Variants in SGK3 observed in about 807,000 individuals in gnomAD.
SGK3 encodes the protein serine/threonine-protein kinase Sgk3.
Under a neutral mutation model 68.5 loss-of-function variants are expected in SGK3, and 47 were observed. The observed-to-expected ratio is 0.69, with a 90% CI of 0.54 to 0.87. The LOEUF (loss-of-function observed/expected upper bound fraction) is 0.87. SGK3 is among the 40% of genes least tolerant of loss of function. The pLI, the probability that SGK3 is intolerant of heterozygous loss-of-function variation, is 0.00. For missense variants in SGK3, 479 were observed against 575.5 expected (o/e 0.83, Z 1.72); for synonymous variants, 181 against 189.1 (o/e 0.96, Z 0.35).
Position 66,743,195 on chromosome 8 carries a change from G to A in SGK3, c.-122+30362G>A, listed in dbSNP as rs147209314. Among the ~76,000 whole-genome samples, 365 of 152,252 alleles carry A rather than the reference G, an allele frequency of 2.4e-3. 1 individual carries two copies. The highest frequency in any genetic ancestry group is 4.5e-3 in the Non-Finnish European group (308 of 68,020). Reference sequence around the variant, plus strand: ...AAGTCAATTTAGTGGGTTGTTAGCAGCATTTAAAAGCCTGGAATAAAAGAA... The same window carrying A: ...AAGTCAATTTAGTGGGTTGTTAGCAACATTTAAAAGCCTGGAATAAAAGAA... On this transcript the variant is annotated intron_variant, in intron 1 of 16. Coordinates refer to ENST00000521198, the MANE Select transcript of SGK3 (RefSeq NM_001033578.3).
chr8:66,822,236 G>C (rs748259132), intron 5 of SGK3, 136 bp from the exon 6 acceptor site: 24 of 660,204 alleles, frequency 3.6e-5, no homozygotes, highest in Non-Finnish European at 5.3e-5. Flanking sequence ...TTATAATAAT[G>C]AATATTAATG....
intron 3 of SGK3, among the ~76,000 whole-genome samples, chr8:66,799,333 G>A (rs1807830744): frequency 6.6e-6 from 1 of 152,078 alleles, no homozygotes; most frequent in African/African-American, 2.4e-5. Flanking sequence ...AGTTGAGAGG[G>A]TACCAGTGAG....
intron 1 of SGK3, among the ~76,000 whole-genome samples, chr8:66,746,867 T>C (rs1805669359): frequency 6.6e-6 from 1 of 152,014 alleles, no homozygotes; most frequent in South Asian, 2.1e-4. Context: ...GCCTAAAAAA[T>C]ATATATTTTT....
intron 1 of SGK3, among the ~76,000 whole-genome samples, chr8:66,731,310 T>G (rs986014453): frequency 6.6e-6 from 1 of 152,210 alleles, no homozygotes; most frequent in African/African-American, 2.4e-5. Flanking sequence ...TTTATAGTGT[T>G]GTTCATATCT....
At chr8:66,793,299 A>G (rs1029521281) in intron 1 of SGK3, among the ~76,000 whole-genome samples, 1 of 152,222 alleles carries the variant, frequency 6.6e-6, no homozygotes, top group Non-Finnish European at 1.5e-5. Context: ...GTTCATCCTG[A>G]TACAAGAAGT....
At chr8:66,796,029 T>A (rs1167886430) in intron 2 of SGK3, among the ~76,000 whole-genome samples, 2 of 152,178 alleles carry the variant, frequency 1.3e-5, no homozygotes, top group African/African-American at 4.8e-5. Flanking sequence ...TACAGTGCAG[T>A]CCTCAATCCT....
At chr8:66,790,499 C>G (rs759142900) in intron 1 of SGK3, among the ~76,000 whole-genome samples, 10 of 152,200 alleles carry the variant, frequency 6.6e-5, no homozygotes, top group Non-Finnish European at 1.3e-4. Flanking sequence ...ATTGTCCTTT[C>G]CAGCCAGTGC....
At chr8:66,831,393 C>T (rs1585783389) in intron 8 of SGK3, 82 bp downstream of exon 8, 2 of 1,542,628 alleles carry the variant, frequency 1.3e-6, no homozygotes, top group East Asian at 2.3e-5. Flanking sequence ...GTTGTCCAGG[C>T]TGGAGTGTAG....
intron 1 of SGK3, among the ~76,000 whole-genome samples, chr8:66,717,699 A>T (rs1804677347): frequency 6.6e-6 from 1 of 151,564 alleles, no homozygotes. Flanking sequence ...GTTTTTAATT[A>T]ATTATTATTA....
chr8:66,819,092 G>A (rs1808708141), intron 5 of SGK3, among the ~76,000 whole-genome samples: 2 of 152,330 alleles, frequency 1.3e-5, no homozygotes, highest in Non-Finnish European at 2.9e-5. Flanking sequence ...ATTCTGGTGA[G>A]TGGGTAATGG....
At chr8:66,793,182 T>C (rs1807536076) in intron 1 of SGK3, among the ~76,000 whole-genome samples, 1 of 152,224 alleles carries the variant, frequency 6.6e-6, no homozygotes, top group South Asian at 2.1e-4. Context: ...ATCCGGGATG[T>C]ACGAATTATT....
chr8:66,809,813 T>C (rs763593425), intron 4 of SGK3, among the ~76,000 whole-genome samples: 2 of 152,204 alleles, frequency 1.3e-5, no homozygotes, highest in Non-Finnish European at 2.9e-5. Context: ...TTCAAGACTT[T>C]ACTAGGGCAG....
chr8:66,848,269 C>A (rs1204893984), intron 15 of SGK3, among the ~76,000 whole-genome samples: 7 of 152,136 alleles, frequency 4.6e-5, no homozygotes, highest in Admixed American at 4.6e-4. Context: ...ACTATCATCT[C>A]ATGGGCTGCT....
Position 66,845,415 on chromosome 8 carries a change from CA to C in SGK3, c.1075-1771del, listed in dbSNP as rs537290447. On this transcript the variant is annotated intron_variant, in intron 14 of 16. Transcript: ENST00000521198. ...CTCCGTCTCAAAAAAAAACAAAAAA[CA>C]AAAAAAGTCATATTTTAAAAGATAA... 1.5e-3 allele frequency among the ~76,000 whole-genome samples: 234 copies of C among 151,968 alleles called. 1 individual carries two copies. Among genetic ancestry groups the C allele is most frequent in the African/African-American group, 5.0e-3 (207 of 41,480 alleles).
At chr8:66,781,782 C>T (rs904601781) in intron 1 of SGK3, among the ~76,000 whole-genome samples, 41 of 152,074 alleles carry the variant, frequency 2.7e-4, no homozygotes, top group Non-Finnish European at 2.4e-4. Context: ...GTAAAAGGTG[C>T]TTAAATAGAG....
intron 1 of SGK3, among the ~76,000 whole-genome samples, chr8:66,780,317 AAGGTTTTATT>A (rs2130523485): frequency 6.6e-6 from 1 of 152,272 alleles, no homozygotes; most frequent in East Asian, 1.9e-4. Context: ...AAGTCAATGA[AAGGTTTTATT>A]AGGGCCTTCT....
rs58832541 is a variant in SGK3, at chr8:66,839,498, G to GAT, written c.742-446_742-445dup. On this transcript the variant is annotated intron_variant, in intron 10 of 16. Coordinates refer to ENST00000521198, the MANE Select transcript of SGK3 (RefSeq NM_001033578.3). ...GGCTCAAGTAAATTATATGTATGGA[G>GAT]ATATATATATATATATATATATATA... 1.9e-3 allele frequency among the ~76,000 whole-genome samples: 80 copies of GAT among 41,514 alleles called. 2 individuals are homozygous for GAT. Among genetic ancestry groups the GAT allele is most frequent in the Middle Eastern group, 0.014 (1 of 70 alleles). 27.2% of individuals were successfully genotyped at this position (41,514 alleles called of 152,430 possible).
chr8:66,857,276 GT>G (rs982396665), intron 16 of SGK3, among the ~76,000 whole-genome samples: 7 of 152,078 alleles, frequency 4.6e-5, no homozygotes, highest in African/African-American at 1.7e-4. Context: ...AGCATTCTGG[GT>G]TTTTGTGGTC....
At chr8:66,832,915 T>G (rs1053221650) in intron 8 of SGK3, among the ~76,000 whole-genome samples, 17 of 152,046 alleles carry the variant, frequency 1.1e-4, no homozygotes, top group South Asian at 6.2e-4. Flanking sequence ...GTTTTGTTTT[T>G]TTTTTTGCCA....
Sources: allele counts gnomAD v4.1 joint callset (sites outside exome capture counted in the v4.1 genomes callset), GRCh38; gene constraint gnomAD v4.1.1; transcripts MANE v1.5; gene names NCBI Gene and HGNC (gene_info 2026-07-23, HGNC 2026-07-21).